SCN8A: variants seen among roughly 807,000 people sequenced by gnomAD.
SCN8A encodes the protein sodium voltage-gated channel alpha subunit 8.
SCN8A carries 30 observed loss-of-function variants against 184.1 expected under a neutral mutation model. That is an observed-to-expected ratio of 0.16 (90% CI 0.12 to 0.22). SCN8A has a LOEUF of 0.22. Ranked by LOEUF, SCN8A falls within the 10% of genes least tolerant of loss-of-function variation. The probability of loss-of-function intolerance (pLI) is 1.00; values close to 1 mark genes in which losing one functional copy is unlikely to be tolerated. For synonymous variants in SCN8A, 852 were observed against 907.0 expected, an observed-to-expected ratio of 0.94 and a Z score of 1.09; for missense variants, 1,057 against 2,498.9, an observed-to-expected ratio of 0.42 and a Z score of 12.30.
intron 2 of SCN8A, among the ~76,000 whole-genome samples, chr12:51,683,495 T>G (rs1309501936): frequency 1.3e-5 from 2 of 152,182 alleles, no homozygotes; most frequent in Non-Finnish European, 2.9e-5. Flanking sequence ...AAATATTGAT[T>G]GAATGAAGAA....
intron 1 of SCN8A, among the ~76,000 whole-genome samples, chr12:51,592,395 T>G (rs1404344930): frequency 4.6e-5 from 7 of 152,012 alleles, no homozygotes; most frequent in Non-Finnish European, 1.5e-5. Flanking sequence ...GGAACCATTT[T>G]TCAGCCCGAT....
intron 1 of SCN8A, among the ~76,000 whole-genome samples, chr12:51,607,809 T>A (rs1053324083): frequency 4.6e-5 from 7 of 152,174 alleles, no homozygotes; most frequent in African/African-American, 1.7e-4. Flanking sequence ...CTTTTTGGTA[T>A]GTTGTTGGAT....
intron 1 of SCN8A, among the ~76,000 whole-genome samples, chr12:51,595,443 G>GTGAAAT (rs1939326238): frequency 6.6e-6 from 1 of 152,190 alleles, no homozygotes; most frequent in Non-Finnish European, 1.5e-5. Context: ...AGAGATTAAG[G>GTGAAAT]TGAAATGAAA....
chr12:51,785,713 A>T (rs895464988), intron 21 of SCN8A, among the ~76,000 whole-genome samples: 13 of 152,082 alleles, frequency 8.5e-5, no homozygotes, highest in Non-Finnish European at 2.9e-5. Context: ...TTTTAACAAT[A>T]TGCCAATTTT....
chr12:51,670,260 A>G (rs1441110048), intron 2 of SCN8A, among the ~76,000 whole-genome samples: 1 of 152,212 alleles, frequency 6.6e-6, no homozygotes, highest in African/African-American at 2.4e-5. Flanking sequence ...AGCCTTGGCA[A>G]TAGACCAAAA....
At chr12:51,638,857 T>A (rs989893278) in intron 1 of SCN8A, among the ~76,000 whole-genome samples, 2 of 151,980 alleles carry the variant, frequency 1.3e-5, no homozygotes, top group African/African-American at 2.4e-5. Flanking sequence ...GGACTGCAGA[T>A]GTGGTGAAAA....
chr12:51,761,849 G>A (rs1467017384), intron 14 of SCN8A, among the ~76,000 whole-genome samples: 1 of 151,712 alleles, frequency 6.6e-6, no homozygotes, highest in Admixed American at 6.6e-5. Context: ...TAGCAACATG[G>A]ATAGACTTAA....
chr12:51,804,029 A>G (rs1453771530), intron 26 of SCN8A, among the ~76,000 whole-genome samples: 1 of 152,150 alleles, frequency 6.6e-6, no homozygotes, highest in Non-Finnish European at 1.5e-5. Flanking sequence ...TGAAGCTCCC[A>G]TTGTCTTGTT....
intron 6 of SCN8A, among the ~76,000 whole-genome samples, chr12:51,695,617 G>T (rs141983091): frequency 6.6e-6 from 1 of 152,314 alleles, no homozygotes; most frequent in Non-Finnish European, 1.5e-5. Flanking sequence ...CAGGTACAAG[G>T]AAGTACTTTG....
intron 1 of SCN8A, among the ~76,000 whole-genome samples, chr12:51,661,740 C>T (rs1940929303): frequency 6.6e-6 from 1 of 152,204 alleles, no homozygotes; most frequent in Non-Finnish European, 1.5e-5. Flanking sequence ...GTAAACTTAC[C>T]TGCTCAGGTC....
At chr12:51,697,955 T>A (rs1312383562) in intron 6 of SCN8A, among the ~76,000 whole-genome samples, 1 of 152,212 alleles carries the variant, frequency 6.6e-6, no homozygotes, top group Non-Finnish European at 1.5e-5. Context: ...CGGGTTCAAG[T>A]GGTTCTCCCA....
At chr12:51,757,345 T>G (rs1300783314) in intron 14 of SCN8A, among the ~76,000 whole-genome samples, 1 of 151,922 alleles carries the variant, frequency 6.6e-6, no homozygotes, top group Non-Finnish European at 1.5e-5. Context: ...GCAGTACACA[T>G]AGAACTTTTA....
At chr12:51,772,268 G>A (rs1434675021) in intron 19 of SCN8A, among the ~76,000 whole-genome samples, 1 of 152,058 alleles carries the variant, frequency 6.6e-6, no homozygotes, top group Non-Finnish European at 1.5e-5. Flanking sequence ...GGTGGTGCAT[G>A]CCTGTAATCC....
intron 1 of SCN8A, among the ~76,000 whole-genome samples, chr12:51,646,250 A>G (rs920094238): frequency 8.5e-5 from 13 of 152,232 alleles, no homozygotes; most frequent in African/African-American, 3.1e-4. Context: ...TATGGTAACT[A>G]TACAAGAAGT....
intron 12 of SCN8A, among the ~76,000 whole-genome samples, chr12:51,740,320 TC>T (rs1403184815): frequency 6.6e-6 from 1 of 152,242 alleles, no homozygotes; most frequent in Non-Finnish European, 1.5e-5. Context: ...TTGCACTGTA[TC>T]CCATAGGTTT....
At chr12:51,605,719 G>C (rs556110618) in intron 1 of SCN8A, among the ~76,000 whole-genome samples, 2 of 152,274 alleles carry the variant, frequency 1.3e-5, no homozygotes, top group East Asian at 3.9e-4. Context: ...CAGCAATGTA[G>C]AAGTGTTCCC....
At position 51,645,337 on chromosome 12, in the gene SCN8A, G is replaced by T. The variant is rs550798418; in HGVS notation, c.-54-17427G>T. On this transcript the variant is annotated intron_variant, in intron 1 of 26. Coordinates refer to ENST00000627620, the MANE Select transcript of SCN8A (RefSeq NM_001330260.2). ...CCCCGTCCAGGAGGGAGGTGGGGGG[G>T]TTCAGCCCCCCGTCTGGCCAGCTGC... Among the ~76,000 whole-genome samples the T allele has an allele frequency of 3.8e-3, 563 of 150,124 alleles. 5 individuals carry two copies. Among genetic ancestry groups the T allele is most frequent in the Middle Eastern group, 0.014 (4 of 288 alleles).
chr12:51,773,117 CAA>C (rs555971067), intron 19 of SCN8A, among the ~76,000 whole-genome samples: 20 of 134,338 alleles, frequency 1.5e-4, no homozygotes, highest in African/African-American at 1.9e-4. Flanking sequence ...ACTCCGTCTC[CAA>C]AAAAAAAAAA....
At chr12:51,601,786 C>T (rs767450858) in intron 1 of SCN8A, among the ~76,000 whole-genome samples, 5 of 151,142 alleles carry the variant, frequency 3.3e-5, no homozygotes, top group Non-Finnish European at 7.4e-5. Context: ...ATGGGGATGT[C>T]ACTTACATGC....
Sources: allele counts gnomAD v4.1 joint callset (sites outside exome capture counted in the v4.1 genomes callset), GRCh38; gene constraint gnomAD v4.1.1; transcripts MANE v1.5; gene names NCBI Gene and HGNC (gene_info 2026-07-23, HGNC 2026-07-21).